PTPRN2: variants seen among roughly 807,000 people sequenced by gnomAD.
The protein encoded by PTPRN2 is receptor-type tyrosine-protein phosphatase N2.
PTPRN2 carries 74 observed loss-of-function variants against 118.8 expected under a neutral mutation model. The ratio of observed to expected loss-of-function variants is 0.62; its 90% CI spans 0.52 to 0.76. PTPRN2 has a LOEUF of 0.76. Ranked by LOEUF, PTPRN2 falls within the 30% of genes least tolerant of loss-of-function variation. The pLI, the probability that PTPRN2 is intolerant of heterozygous loss-of-function variation, is 0.00. For synonymous variants in PTPRN2, 641 were observed against 608.0 expected, an observed-to-expected ratio of 1.05 and a Z score of -0.80; for missense variants, 1,481 against 1,394.4, an observed-to-expected ratio of 1.06 and a Z score of -0.99.
chr7:158,058,102 T>A (rs1251132572), intron 11 of PTPRN2, among the ~76,000 whole-genome samples: 1 of 152,214 alleles, frequency 6.6e-6, no homozygotes, highest in Non-Finnish European at 1.5e-5. Context: ...ATCTAGCCAC[T>A]TACTGCAGTA....
At chr7:158,510,470 CT>C (rs1210075082) in intron 1 of PTPRN2, among the ~76,000 whole-genome samples, 10 of 152,106 alleles carry the variant, frequency 6.6e-5, no homozygotes, top group African/African-American at 2.4e-4. Flanking sequence ...CTCTCTCTCT[CT>C]CTCTCTCACC....
At chr7:158,411,539 C>G (rs1814087701) in intron 2 of PTPRN2, among the ~76,000 whole-genome samples, 1 of 152,200 alleles carries the variant, frequency 6.6e-6, no homozygotes, top group South Asian at 2.1e-4. Flanking sequence ...GTCCCGGGAA[C>G]AGGGGTCCCC....
At chr7:158,482,613 C>CT (rs1351202212) in intron 2 of PTPRN2, among the ~76,000 whole-genome samples, 1 of 152,154 alleles carries the variant, frequency 6.6e-6, no homozygotes, top group Admixed American at 6.5e-5. Context: ...TAAAATGTAA[C>CT]TTTTATATGC....
intron 12 of PTPRN2, among the ~76,000 whole-genome samples, chr7:157,870,117 T>C (rs1395621599): frequency 1.3e-5 from 2 of 152,220 alleles, no homozygotes; most frequent in African/African-American, 4.8e-5. Context: ...GCTCTGCCCT[T>C]GGCTGCAGCT....
At chr7:157,819,618 G>A (rs1367478632) in intron 12 of PTPRN2, among the ~76,000 whole-genome samples, 4 of 150,220 alleles carry the variant, frequency 2.7e-5, no homozygotes, top group African/African-American at 9.8e-5. Context: ...TACACCAAGC[G>A]GCCACGGCAC....
intron 16 of PTPRN2, 145 bp from the exon 17 acceptor site, chr7:157,595,460 C>T: frequency 1.5e-6 from 1 of 686,516 alleles, no homozygotes; most frequent in Admixed American, 2.9e-5. Context: ...GGTTAGGAAA[C>T]CTGGGGGTTA....
chr7:158,574,667 T>A lies in PTPRN2; in HGVS notation c.112+12891A>T, dbSNP rs555112288. 1.5e-4 allele frequency among the ~76,000 whole-genome samples: 23 copies of A among 152,374 alleles called. No homozygotes were observed. Among genetic ancestry groups the A allele is most frequent in the African/African-American group, 5.0e-4 (21 of 41,596 alleles). ...CTCTAGCCAGAACTGGAAGGTGGCA[T>A]GGAAGGGGCCAATACTTCTTTCTTT... is the stretch of plus-strand genomic sequence containing the variant. On this transcript the variant is annotated intron_variant, in intron 1 of 22. Transcript: ENST00000389418. The surrounding 1 kb of genome is among the most constrained non-coding windows in gnomAD (Gnocchi z 4.6).
At chr7:158,156,024 C>T (rs541308847) in intron 6 of PTPRN2, among the ~76,000 whole-genome samples, 1 of 152,238 alleles carries the variant, frequency 6.6e-6, no homozygotes, top group South Asian at 2.1e-4. Flanking sequence ...TCTATTTTCA[C>T]TGGAAACAAC....
intron 1 of PTPRN2, among the ~76,000 whole-genome samples, chr7:158,562,710 T>A (rs757930574): frequency 4.2e-4 from 64 of 151,716 alleles, no homozygotes; most frequent in Non-Finnish European, 6.8e-4. Context: ...TGAAGGAGAG[T>A]GTGTTGAGTG....
At chr7:158,292,706 T>C (rs1314524098) in intron 3 of PTPRN2, among the ~76,000 whole-genome samples, 1 of 152,228 alleles carries the variant, frequency 6.6e-6, no homozygotes, top group African/African-American at 2.4e-5. Context: ...CTACAGGCAA[T>C]TGTAACACAA....
chr7:158,212,318 T>A (rs1010677469), intron 3 of PTPRN2, among the ~76,000 whole-genome samples: 3 of 152,168 alleles, frequency 2.0e-5, no homozygotes, highest in Non-Finnish European at 4.4e-5. Context: ...TGGTACTTGA[T>A]AGCACAACAG....
chr7:157,660,741 G>A (rs1049612690), intron 13 of PTPRN2, among the ~76,000 whole-genome samples: 8 of 152,154 alleles, frequency 5.3e-5, no homozygotes, highest in African/African-American at 1.9e-4. Flanking sequence ...TATTTCTGAA[G>A]AAGTTACAGA....
intron 3 of PTPRN2, among the ~76,000 whole-genome samples, chr7:158,297,796 A>G (rs10274453): frequency 6.6e-6 from 1 of 152,162 alleles, no homozygotes; most frequent in Admixed American, 6.5e-5. Flanking sequence ...CTCTCCACAT[A>G]TATTTTGGAG....
Position 158,376,386 on chromosome 7 carries a change from A to AG in PTPRN2, c.164-59455dup, listed in dbSNP as rs1242543197. ...CCACAGTCCTGTCACACGTCCTGCG[A>AG]GGGGGGGTCAGGGGACTCCCCCATG... On this transcript the variant is annotated intron_variant, in intron 2 of 22. Coordinates refer to ENST00000389418, the MANE Select transcript of PTPRN2 (RefSeq NM_002847.5). Among the ~76,000 whole-genome samples the AG allele has an allele frequency of 5.5e-3, 731 of 132,536 alleles. 10 individuals are homozygous for AG. The highest frequency in any genetic ancestry group is 0.02 in the African/African-American group (680 of 34,000). The allele number at this position is 132,536 out of a possible 152,430, so 86.9% of individuals were successfully genotyped here.
At chr7:158,481,752 G>A (rs1820656883) in intron 2 of PTPRN2, among the ~76,000 whole-genome samples, 1 of 152,214 alleles carries the variant, frequency 6.6e-6, no homozygotes. Context: ...ATGAGCCACT[G>A]CACCCAGCCA....
intron 3 of PTPRN2, among the ~76,000 whole-genome samples, chr7:158,241,725 T>C (rs566618016): frequency 5.3e-4 from 80 of 152,276 alleles, no homozygotes; most frequent in Non-Finnish European, 8.8e-4. Flanking sequence ...AATCTTATGA[T>C]TGATTTTACA....
chr7:158,488,371 GAA>G (rs965026069), intron 2 of PTPRN2, among the ~76,000 whole-genome samples: 1 of 152,158 alleles, frequency 6.6e-6, no homozygotes, highest in African/African-American at 2.4e-5. Flanking sequence ...TCTCCCGAAA[GAA>G]GAGAAAACAG....
At chr7:158,320,285 G>A (rs1802891913) in intron 2 of PTPRN2, among the ~76,000 whole-genome samples, 1 of 152,280 alleles carries the variant, frequency 6.6e-6, no homozygotes, top group Admixed American at 6.5e-5. Context: ...ACCAACACGA[G>A]TGACTGCTGG....
Position 158,165,228 on chromosome 7 carries a change from G to A in PTPRN2, c.910+1703C>T, listed in dbSNP as rs552217191. On this transcript the variant is annotated intron_variant, in intron 6 of 22. Coordinates refer to ENST00000389418, the MANE Select transcript of PTPRN2 (RefSeq NM_002847.5). ...GACCCTGATGGTGTCTAGTACCCAC[G>A]CAAGTGCAGGAGGCAGGACCATCAA... Among the ~76,000 whole-genome samples, 7 of 152,138 alleles carry A rather than the reference G, an allele frequency of 4.6e-5. 1 individual carries two copies. The highest frequency in any genetic ancestry group is 3.4e-3 in the Middle Eastern group (1 of 292).
Sources: gnomAD v4.1 joint callset for allele counts (sites outside exome capture counted in the v4.1 genomes callset) on GRCh38, gnomAD v4.1.1 for gene constraint, Gnocchi (gnomAD v3.1) non-coding constraint, MANE v1.5 for transcripts, NCBI Gene and HGNC (gene_info 2026-07-23, HGNC 2026-07-21) for gene names.